RTKN2: variants seen among roughly 807,000 people sequenced by gnomAD.
RTKN2 encodes rhotekin-2.
RTKN2 carries 69 observed loss-of-function variants against 71.5 expected under a neutral mutation model. The ratio of observed to expected loss-of-function variants is 0.96; its 90% CI spans 0.79 to 1.18. RTKN2 has a LOEUF of 1.18. Ranked by LOEUF, RTKN2 falls within the 50% of genes most tolerant of loss-of-function variation. The pLI is 0.00. For synonymous variants in RTKN2, 236 were observed against 236.5 expected (o/e 1.00, Z 0.02); for missense variants, 724 against 719.7 (o/e 1.01, Z -0.07).
chr10:62,262,930 C>A (rs1564532704), intron 1 of RTKN2, 109 bp from the exon 2 acceptor site: 3 of 625,916 alleles, frequency 4.8e-6, no homozygotes, highest in Non-Finnish European at 8.0e-6. Flanking sequence ...GAGAAAGCAA[C>A]AAAGTTTTAA....
At chr10:62,236,595 G>A (rs1842264192) in intron 5 of RTKN2, among the ~76,000 whole-genome samples, 1 of 152,018 alleles carries the variant, frequency 6.6e-6, no homozygotes, top group Admixed American at 6.6e-5. Flanking sequence ...ACTGGAAGGA[G>A]TAAAATCATT....
At chr10:62,235,686 G>GTGTGTGTGTA (rs35595937) in intron 6 of RTKN2, among the ~76,000 whole-genome samples, 10 of 150,968 alleles carry the variant, frequency 6.6e-5, no homozygotes, top group African/African-American at 2.4e-4. Flanking sequence ...GTGTGTGTGT[G>GTGTGTGTGTA]TGTATACATG....
chr10:62,245,835 T>G (rs766839658), intron 3 of RTKN2, among the ~76,000 whole-genome samples, 164 bp downstream of exon 3: 1 of 152,096 alleles, frequency 6.6e-6, no homozygotes, highest in African/African-American at 2.4e-5. Flanking sequence ...AAGTTCTATA[T>G]CAATGTAGCA....
downstream of RTKN2, among the ~76,000 whole-genome samples, chr10:62,188,847 A>C (rs1841175605): frequency 1.3e-5 from 2 of 151,904 alleles, no homozygotes; most frequent in Admixed American, 1.3e-4. Context: ...TCCCGGGTTC[A>C]CACCATTCTC....
At chr10:62,232,446 T>C (rs905821964) in intron 6 of RTKN2, among the ~76,000 whole-genome samples, 2 of 151,546 alleles carry the variant, frequency 1.3e-5, no homozygotes, top group African/African-American at 2.4e-5. Flanking sequence ...TCCTGGGTAG[T>C]TGGGACTACA....
At chr10:62,263,958 C>T (rs1279204177) in intron 1 of RTKN2, among the ~76,000 whole-genome samples, 4 of 151,846 alleles carry the variant, frequency 2.6e-5, no homozygotes, top group African/African-American at 9.7e-5. Flanking sequence ...ATTTAATTCA[C>T]AATGACTTTA....
At chr10:62,246,137 A>C in intron 2 of RTKN2, 80 bp from the exon 3 acceptor site, 1 of 883,224 alleles carries the variant, frequency 1.1e-6, no homozygotes, top group Admixed American at 2.5e-5. Flanking sequence ...AAATGTCAAA[A>C]TATTAAAAGC....
At chr10:62,240,857 T>A (rs1010635165) in intron 4 of RTKN2, among the ~76,000 whole-genome samples, 14 of 152,218 alleles carry the variant, frequency 9.2e-5, no homozygotes, top group African/African-American at 3.4e-4. Flanking sequence ...AACATTTTCT[T>A]TTGTTCCATA....
At chr10:62,202,686 C>T (rs1841468149) in intron 10 of RTKN2, among the ~76,000 whole-genome samples, 2 of 152,148 alleles carry the variant, frequency 1.3e-5, no homozygotes, top group Admixed American at 1.3e-4. Flanking sequence ...ATTATGTTGA[C>T]AGTACAAAAA....
At chr10:62,239,521 T>C in intron 5 of RTKN2, 127 bp downstream of exon 5, 1 of 491,004 alleles carries the variant, frequency 2.0e-6, no homozygotes, top group South Asian at 3.8e-5. Flanking sequence ...AAAATCATAT[T>C]AAACATTTAA....
At chr10:62,191,836 T>G (rs1246597332), downstream of RTKN2, among the ~76,000 whole-genome samples, 1 of 152,166 alleles carries the variant, frequency 6.6e-6, no homozygotes, top group African/African-American at 2.4e-5. Context: ...CATGTTCACA[T>G]CAAGCAAGAA....
intron 7 of RTKN2, among the ~76,000 whole-genome samples, chr10:62,222,495 A>C (rs10740068): frequency 0.57 from 87,075 of 151,962 alleles, 25,413 homozygotes; most frequent in East Asian, 0.9. Context: ...GAAACAAAAA[A>C]AATTGGTATA....
At chr10:62,252,431 A>G (rs1842598576) in intron 2 of RTKN2, among the ~76,000 whole-genome samples, 1 of 152,140 alleles carries the variant, frequency 6.6e-6, no homozygotes, top group Non-Finnish European at 1.5e-5. Context: ...ATGTGGAAGA[A>G]TCTTCTAGCT....
rs1841277765 is a variant in RTKN2, at chr10:62,194,164, C to A, written c.*3744G>T. The A allele has an allele frequency of 1.0e-6, 1 of 978,960 alleles. No individual in the cohort carries two copies. The highest frequency in any genetic ancestry group is 1.2e-6 in the Non-Finnish European group (1 of 824,192). 60.6% of individuals were successfully genotyped at this position (978,960 alleles called of 1,614,324 possible). A position where few individuals can be genotyped will look rare whatever the true frequency, so the allele number is the denominator to read the frequency against. On this transcript the variant is annotated 3_prime_UTR_variant, in exon 12 of 12. Coordinates refer to ENST00000373789, the MANE Select transcript of RTKN2 (RefSeq NM_145307.4). The stretch of plus-strand genomic sequence containing the variant: ...TAAAAATTATAAACAAAGCCAATTA[C>A]ACAAGCATGTCAGAAAATCAACACA...
chr10:62,237,974 G>A (rs879770046), intron 5 of RTKN2, among the ~76,000 whole-genome samples: 2 of 151,780 alleles, frequency 1.3e-5, no homozygotes, highest in Non-Finnish European at 2.9e-5. Flanking sequence ...TAGCATTAAA[G>A]ACTGTGGTGG....
chr10:62,225,931 G>A (rs567011584), intron 6 of RTKN2, among the ~76,000 whole-genome samples: 4 of 151,860 alleles, frequency 2.6e-5, no homozygotes, highest in Non-Finnish European at 4.4e-5. Flanking sequence ...ACAGGCGCCC[G>A]CCACCATGCC....
At chr10:62,248,923 T>A (rs1253426415) in intron 2 of RTKN2, among the ~76,000 whole-genome samples, 2 of 152,244 alleles carry the variant, frequency 1.3e-5, no homozygotes, top group Non-Finnish European at 2.9e-5. Context: ...GGGAGTCTAT[T>A]ATTTGAAAGC....
At chr10:62,226,023 C>T (rs2132933432) in intron 6 of RTKN2, among the ~76,000 whole-genome samples, 1 of 152,248 alleles carries the variant, frequency 6.6e-6, no homozygotes, top group Non-Finnish European at 1.5e-5. Flanking sequence ...ACCTCATGAT[C>T]CACCTGCCTT....
At position 62,195,093 on chromosome 10, in the gene RTKN2, A is replaced by G. The variant is rs188668712; in HGVS notation, c.*2815T>C. ...AGTTACCACTTAGTAGCAATTAAAA[A>G]TAATACTATCTTAATGCTGACTACG... On this transcript the variant is annotated 3_prime_UTR_variant, in exon 12 of 12. Coordinates refer to ENST00000373789, the MANE Select transcript of RTKN2 (RefSeq NM_145307.4). 38 of 982,936 alleles carry G rather than the reference A, an allele frequency of 3.9e-5. No homozygotes were observed. In the Admixed American group the frequency reaches 1.4e-3, roughly 35 times the overall value. 60.9% of individuals were successfully genotyped at this position (982,936 alleles called of 1,614,324 possible).
Sources: allele counts gnomAD v4.1 joint callset (sites outside exome capture counted in the v4.1 genomes callset), GRCh38; gene constraint gnomAD v4.1.1; transcripts MANE v1.5; gene names NCBI Gene and HGNC (gene_info 2026-07-23, HGNC 2026-07-21).